WWOX: variants seen among roughly 807,000 people sequenced by gnomAD.
WWOX encodes WW domain-containing oxidoreductase.
Under a neutral mutation model 46.2 loss-of-function variants are expected in WWOX, and 69 were observed. The ratio of observed to expected loss-of-function variants is 1.49; its 90% CI spans 1.23 to 1.82. WWOX has a LOEUF of 1.82. Among genes scored for constraint, WWOX ranks in the 40% most tolerant of loss-of-function variants. WWOX has a pLI of 0.00. For missense variants in WWOX, 919 were observed against 542.6 expected, an observed-to-expected ratio of 1.69 and a Z score of -6.89; for synonymous variants, 359 against 202.6, an observed-to-expected ratio of 1.77 and a Z score of -6.56.
At chr16:78,983,574 C>A (rs1384378849) in intron 8 of WWOX, among the ~76,000 whole-genome samples, 1 of 152,128 alleles carries the variant, frequency 6.6e-6, no homozygotes, top group African/African-American at 2.4e-5. Context: ...GCCTGTCTCC[C>A]TTTTCTCCTT....
intron 8 of WWOX, among the ~76,000 whole-genome samples, chr16:78,691,684 G>A (rs1288476458): frequency 1.3e-5 from 2 of 152,092 alleles, no homozygotes; most frequent in Non-Finnish European, 2.9e-5. Flanking sequence ...CTCCAGCCTG[G>A]GCAACAGGAC....
At chr16:78,886,705 A>G (rs1262969987) in intron 8 of WWOX, among the ~76,000 whole-genome samples, 1 of 151,150 alleles carries the variant, frequency 6.6e-6, no homozygotes, top group Admixed American at 6.6e-5. Flanking sequence ...GAAAAGAAAA[A>G]CATATAGAGA....
At chr16:78,944,084 G>T (rs937069826) in intron 8 of WWOX, among the ~76,000 whole-genome samples, 1 of 152,128 alleles carries the variant, frequency 6.6e-6, no homozygotes, top group Non-Finnish European at 1.5e-5. Flanking sequence ...TTCCTCCTGG[G>T]TTTTGTTTGT....
chr16:78,692,703 C>A (rs1486028051), intron 8 of WWOX, among the ~76,000 whole-genome samples: 1 of 152,136 alleles, frequency 6.6e-6, no homozygotes, highest in African/African-American at 2.4e-5. Flanking sequence ...GTTTATGATC[C>A]CTGTGAAACA....
chr16:78,801,546 A>C (rs2050890073), intron 8 of WWOX, among the ~76,000 whole-genome samples: 1 of 152,180 alleles, frequency 6.6e-6, no homozygotes, highest in African/African-American at 2.4e-5. Flanking sequence ...GCTTCCGATG[A>C]GGATATTTAT....
At chr16:78,359,970 T>A (rs907341946) in intron 5 of WWOX, among the ~76,000 whole-genome samples, 2 of 152,182 alleles carry the variant, frequency 1.3e-5, no homozygotes, top group African/African-American at 4.8e-5. Context: ...TATTCAATCA[T>A]TAGAAAATAA....
intron 8 of WWOX, among the ~76,000 whole-genome samples, chr16:78,646,589 G>A (rs937078496): frequency 1.3e-5 from 2 of 151,972 alleles, no homozygotes; most frequent in African/African-American, 2.4e-5. Flanking sequence ...CACTACTCCC[G>A]GCTAATTTTT....
intron 5 of WWOX, among the ~76,000 whole-genome samples, chr16:78,305,850 T>C (rs62035716): frequency 0.083 from 12,610 of 152,132 alleles, 679 homozygotes; most frequent in South Asian, 0.3. Flanking sequence ...AGTAGCCAAC[T>C]CTCATTTTTT....
chr16:78,168,866 C>G (rs1342891675), intron 5 of WWOX, among the ~76,000 whole-genome samples: 1 of 152,116 alleles, frequency 6.6e-6, no homozygotes, highest in Admixed American at 6.5e-5. Context: ...ATTACTATGA[C>G]TACTAATTAT....
chr16:78,979,712 G>A (rs1444581257), intron 8 of WWOX, among the ~76,000 whole-genome samples: 2 of 152,132 alleles, frequency 1.3e-5, no homozygotes, highest in South Asian at 4.1e-4. Flanking sequence ...CTTGAGGCAT[G>A]AGATGCTGAA....
At chr16:78,942,544 T>C (rs1400164462) in intron 8 of WWOX, among the ~76,000 whole-genome samples, 5 of 152,096 alleles carry the variant, frequency 3.3e-5, no homozygotes, top group Non-Finnish European at 7.3e-5. Context: ...AAGCAAGGAA[T>C]TAATAAAAAC....
chr16:79,187,164 A>T (rs1329348403), intron 8 of WWOX, among the ~76,000 whole-genome samples: 1 of 152,210 alleles, frequency 6.6e-6, no homozygotes, highest in Non-Finnish European at 1.5e-5. Flanking sequence ...TACGAATTGA[A>T]TGACTTTGAG....
At chr16:78,335,401 G>C (rs1597499010) in intron 5 of WWOX, among the ~76,000 whole-genome samples, 1 of 152,162 alleles carries the variant, frequency 6.6e-6, no homozygotes, top group African/African-American at 2.4e-5. Flanking sequence ...TTCTGCATAA[G>C]TTTGCCTAGG....
chr16:78,545,475 C>T (rs1263255231), intron 8 of WWOX, among the ~76,000 whole-genome samples: 1 of 152,110 alleles, frequency 6.6e-6, no homozygotes, highest in Non-Finnish European at 1.5e-5. Flanking sequence ...GTCTTAGTCT[C>T]CTGAGTAGCT....
At chr16:78,445,184 T>C (rs1398367825) in intron 8 of WWOX, among the ~76,000 whole-genome samples, 1 of 152,166 alleles carries the variant, frequency 6.6e-6, no homozygotes, top group Non-Finnish European at 1.5e-5. Context: ...TGGATTCTTT[T>C]TATCCAGAAG....
At chr16:78,564,700 C>A (rs141543740) in intron 8 of WWOX, among the ~76,000 whole-genome samples, 1,642 of 152,330 alleles carry the variant, frequency 0.011, 26 homozygotes, top group African/African-American at 0.037. Flanking sequence ...TGGCACCCTT[C>A]TTCCTGGCTC....
At chr16:78,863,647 T>A (rs1027137227) in intron 8 of WWOX, among the ~76,000 whole-genome samples, 2 of 152,172 alleles carry the variant, frequency 1.3e-5, no homozygotes, top group African/African-American at 4.8e-5. Context: ...ATTTACTCAG[T>A]GTTTCTGGAG....
At chr16:78,884,027 C>G (rs555315326) in intron 8 of WWOX, among the ~76,000 whole-genome samples, 1 of 152,036 alleles carries the variant, frequency 6.6e-6, no homozygotes, top group African/African-American at 2.4e-5. Context: ...GCCTGTAATT[C>G]CAGCACTTTG....
chr16:78,347,490 T>C (rs2081114261), intron 5 of WWOX, among the ~76,000 whole-genome samples: 1 of 117,718 alleles, frequency 8.5e-6, no homozygotes, highest in African/African-American at 2.9e-5. Context: ...CCACATATCA[T>C]TGCTATCCCT....
Sources: allele counts gnomAD v4.1 joint callset (sites outside exome capture counted in the v4.1 genomes callset), GRCh38; gene constraint gnomAD v4.1.1; transcripts MANE v1.5; gene names NCBI Gene and HGNC (gene_info 2026-07-23, HGNC 2026-07-21).